LRRC7: variants seen among roughly 807,000 people sequenced by gnomAD.
The protein encoded by LRRC7 is leucine-rich repeat-containing protein 7.
LRRC7 carries 23 observed loss-of-function variants against 175.7 expected under a neutral mutation model. The ratio of observed to expected loss-of-function variants is 0.13; its 90% CI spans 0.09 to 0.19. The LOEUF (loss-of-function observed/expected upper bound fraction) is 0.19, where lower values mean the gene tolerates loss of function less well. Ranked by LOEUF, LRRC7 falls within the 10% of genes least tolerant of loss-of-function variation. The pLI is 1.00. For missense variants in LRRC7, 1,354 were observed against 1,904.7 expected (o/e 0.71, Z 5.38); for synonymous variants, 685 against 680.9 (o/e 1.01, Z -0.09).
chr1:69,801,251 C>T (rs1676448166), intron 4 of LRRC7, among the ~76,000 whole-genome samples: 1 of 151,756 alleles, frequency 6.6e-6, no homozygotes, highest in South Asian at 2.1e-4. Flanking sequence ...TGGAGAATTC[C>T]TTCCTCCTCA....
intron 22 of LRRC7, among the ~76,000 whole-genome samples, chr1:70,050,920 A>C (rs553830884): frequency 2.0e-5 from 3 of 151,958 alleles, no homozygotes; most frequent in African/African-American, 7.2e-5. Context: ...CTTAAAAGGA[A>C]ATTGCTTTCA....
chr1:69,930,814 AACTGTCAAAC>A (rs141971982), intron 7 of LRRC7, among the ~76,000 whole-genome samples: 1,894 of 151,678 alleles, frequency 0.012, 34 homozygotes, highest in African/African-American at 0.043. Context: ...GTGAAGGAGG[AACTGTCAAAC>A]ACTTATAAAA....
At chr1:69,989,193 A>C (rs185421021) in intron 10 of LRRC7, among the ~76,000 whole-genome samples, 60 of 152,280 alleles carry the variant, frequency 3.9e-4, no homozygotes, top group Admixed American at 3.9e-3. Context: ...TAAGAAAAAG[A>C]ATCAATTAAA....
intron 7 of LRRC7, among the ~76,000 whole-genome samples, chr1:69,867,789 C>A (rs1685102789): frequency 6.6e-6 from 1 of 152,046 alleles, no homozygotes; most frequent in Non-Finnish European, 1.5e-5. Context: ...AGACTTGGTG[C>A]TTGATGCTTG....
intron 24 of LRRC7, among the ~76,000 whole-genome samples, chr1:70,077,249 AT>A (rs778977953): frequency 3.4e-4 from 52 of 152,140 alleles, no homozygotes; most frequent in Non-Finnish European, 7.2e-4. Context: ...ATTTTGTAAT[AT>A]CCTTCTTGAA....
At chr1:69,583,660 T>G (rs1646286838) in intron 1 of LRRC7, among the ~76,000 whole-genome samples, 1 of 152,168 alleles carries the variant, frequency 6.6e-6, no homozygotes, top group Non-Finnish European at 1.5e-5. Flanking sequence ...GAAAAACAAC[T>G]TACCCCCAAT....
chr1:69,972,208 C>T (rs573623156), intron 8 of LRRC7, among the ~76,000 whole-genome samples: 37 of 152,292 alleles, frequency 2.4e-4, no homozygotes, highest in Middle Eastern at 3.4e-3. Flanking sequence ...TAGATATTGG[C>T]TTAGGCAATG....
intron 2 of LRRC7, among the ~76,000 whole-genome samples, chr1:69,757,747 G>T (rs956776885): frequency 6.6e-6 from 1 of 151,778 alleles, no homozygotes; most frequent in African/African-American, 2.4e-5. Context: ...AGTGAGAGAC[G>T]CTGGGCAACA....
At chr1:69,787,392 T>A (rs1674576492) in intron 3 of LRRC7, among the ~76,000 whole-genome samples, 1 of 152,218 alleles carries the variant, frequency 6.6e-6, no homozygotes. Context: ...GGAGGGACTC[T>A]GTGTGGGAGC....
chr1:69,700,836 A>G (rs1478763276), intron 2 of LRRC7, among the ~76,000 whole-genome samples: 3 of 152,166 alleles, frequency 2.0e-5, no homozygotes, highest in African/African-American at 7.2e-5. Flanking sequence ...TTCTCAGCAG[A>G]GAAATAATGT....
In LRRC7 at chr1:69,792,005, C is replaced by A; in HGVS notation, c.304-38C>A. ...TACTGAGTTTATGAATGAATTTAACCAAATTGAGATCTAATTAATGATTAT... is the reference window on the plus strand; with the variant it reads ...TACTGAGTTTATGAATGAATTTAACAAAATTGAGATCTAATTAATGATTAT... On this transcript the variant is annotated intron_variant, in intron 3 of 26. Transcript: ENST00000651989. The A allele has an allele frequency of 3.1e-6, 4 of 1,305,718 alleles. No homozygotes were observed. The South Asian group carries it at 3.8e-5, about 12-fold the overall frequency. 80.9% of individuals were successfully genotyped at this position (1,305,718 alleles called of 1,614,324 possible). A position where few individuals can be genotyped will look rare whatever the true frequency, so the allele number is the denominator to read the frequency against.
At chr1:69,668,043 C>A (rs1658529158) in intron 1 of LRRC7, among the ~76,000 whole-genome samples, 1 of 152,080 alleles carries the variant, frequency 6.6e-6, no homozygotes, top group South Asian at 2.1e-4. Context: ...TTATTTTAAG[C>A]TGATAACAAC....
chr1:69,651,621 A>C (rs1314909526), intron 1 of LRRC7, among the ~76,000 whole-genome samples: 1 of 152,200 alleles, frequency 6.6e-6, no homozygotes, highest in African/African-American at 2.4e-5. Context: ...TGAGAATTCC[A>C]GAATCCAATT....
intron 9 of LRRC7, 140 bp from the exon 10 acceptor site, chr1:69,986,101 CA>C: frequency 1.3e-6 from 1 of 742,738 alleles, no homozygotes; most frequent in Non-Finnish European, 2.1e-6. Context: ...TTGAAGTTTA[CA>C]ATTCCTCCAC....
At chr1:69,692,016 G>A (rs1417729643) in intron 2 of LRRC7, among the ~76,000 whole-genome samples, 4 of 151,990 alleles carry the variant, frequency 2.6e-5, no homozygotes, top group Non-Finnish European at 4.4e-5. Flanking sequence ...ACTTATAAAG[G>A]CTAGATTGGA....
At chr1:69,857,426 C>A (rs1428135438) in intron 7 of LRRC7, among the ~76,000 whole-genome samples, 8 of 152,162 alleles carry the variant, frequency 5.3e-5, no homozygotes, top group Non-Finnish European at 1.0e-4. Flanking sequence ...TCTCAGGATA[C>A]AAAATCAATG....
At chr1:69,716,991 A>T (rs966083365) in intron 2 of LRRC7, among the ~76,000 whole-genome samples, 5 of 151,746 alleles carry the variant, frequency 3.3e-5, no homozygotes, top group African/African-American at 1.2e-4. Flanking sequence ...TATTTACATA[A>T]ATATTTCATT....
At chr1:69,827,917 A>G (rs1201562622) in intron 5 of LRRC7, among the ~76,000 whole-genome samples, 1 of 152,208 alleles carries the variant, frequency 6.6e-6, no homozygotes, top group Non-Finnish European at 1.5e-5. Context: ...GACCATCTCC[A>G]TAGTCAAGAT....
intron 7 of LRRC7, among the ~76,000 whole-genome samples, chr1:69,877,376 C>T (rs1393010666): frequency 6.6e-6 from 1 of 152,004 alleles, no homozygotes; most frequent in East Asian, 1.9e-4. Flanking sequence ...TCACTTGAGG[C>T]CAAGAGTTTG....
Sources: gnomAD v4.1 joint callset for allele counts (sites outside exome capture counted in the v4.1 genomes callset) on GRCh38, gnomAD v4.1.1 for gene constraint, MANE v1.5 for transcripts, NCBI Gene and HGNC (gene_info 2026-07-23, HGNC 2026-07-21) for gene names.